Variants in MAP4K4 observed in about 807,000 individuals in gnomAD.
MAP4K4 encodes the protein mitogen-activated protein kinase kinase kinase kinase 4.
Under a neutral mutation model 189.6 loss-of-function variants are expected in MAP4K4, and 38 were observed. The ratio of observed to expected loss-of-function variants is 0.20; its 90% confidence interval spans 0.15 to 0.26. MAP4K4 has a LOEUF of 0.26. Among genes scored for constraint, MAP4K4 ranks in the 10% least tolerant of loss-of-function variants. The pLI, the probability that MAP4K4 is intolerant of heterozygous loss-of-function variation, is 1.00. For missense variants in MAP4K4, 1,054 were observed against 1,726.9 expected (o/e 0.61, Z 6.91); for synonymous variants, 610 against 624.3 (o/e 0.98, Z 0.34).
At chr2:101,844,150 A>C (rs1300434393) in exon 12 of MAP4K4, 2 of 1,612,824 alleles carry the variant, frequency 1.2e-6, no homozygotes, top group South Asian at 2.2e-5. Flanking sequence ...AGATTTCCTG[A>C]GACTGCAGCA....
intron 2 of MAP4K4, among the ~76,000 whole-genome samples, chr2:101,785,690 C>CTTTTCCTTTTTTGAG (rs1558913395): frequency 4.8e-4 from 1 of 2,080 alleles, no homozygotes; most frequent in African/African-American, 5.0e-3. Flanking sequence ...CTCTCTCTCT[C>CTTTTCCTTTTTTGAG]TCTCTCTCTC....
At chr2:101,877,060 A>G in exon 27 of MAP4K4, 1 of 1,614,022 alleles carries the variant, frequency 6.2e-7, no homozygotes, top group Non-Finnish European at 8.5e-7. Flanking sequence ...AGAAGTGGCC[A>G]AGGGAAGGTC....
rs549870410 is a variant in MAP4K4, at chr2:101,882,806, G to A, written c.3520+121G>A. The A allele has an allele frequency of 4.2e-5, 42 of 994,724 alleles. No homozygotes were observed. The East Asian group carries it at 9.8e-4, about 23-fold the overall frequency. The allele number at this position is 994,724 out of a possible 1,614,324, so 61.6% of individuals were successfully genotyped here. A position where few individuals can be genotyped will look rare whatever the true frequency, so the allele number is the denominator to read the frequency against. On this transcript the variant is annotated intron_variant, in intron 28 of 32. Transcript: ENST00000324219. ...TAATAAACTTGTTTCTGAAACACGTGGATCATTTCTGGTGTTCTTTCTGTT... is the reference window on the plus strand; with the variant it reads ...TAATAAACTTGTTTCTGAAACACGTAGATCATTTCTGGTGTTCTTTCTGTT...
At chr2:101,875,595 C>T (rs934872313) in intron 26 of MAP4K4, among the ~76,000 whole-genome samples, 2 of 151,312 alleles carry the variant, frequency 1.3e-5, no homozygotes, top group Non-Finnish European at 3.0e-5. Context: ...ATGTATGTGC[C>T]ATGATATTCT....
chr2:101,836,766 G>A (rs2096768634), intron 9 of MAP4K4, among the ~76,000 whole-genome samples: 1 of 152,196 alleles, frequency 6.6e-6, no homozygotes, highest in Non-Finnish European at 1.5e-5. Context: ...TTCTTAGGCT[G>A]TCACTTTTCC....
chr2:101,871,815 C>T (rs1298314559), intron 24 of MAP4K4, 130 bp downstream of exon 24: 19 of 794,064 alleles, frequency 2.4e-5, no homozygotes, highest in Non-Finnish European at 3.5e-5. Context: ...TGTCACCTAC[C>T]CTTCTCCCCA....
At chr2:101,777,173 G>A (rs757152474) in intron 2 of MAP4K4, among the ~76,000 whole-genome samples, 9 of 152,188 alleles carry the variant, frequency 5.9e-5, no homozygotes, top group Non-Finnish European at 1.3e-4. Context: ...AAATCTTGTA[G>A]CATTTTTAAG....
At chr2:101,741,300 T>G (rs1020118503) in intron 2 of MAP4K4, among the ~76,000 whole-genome samples, 4 of 151,776 alleles carry the variant, frequency 2.6e-5, no homozygotes, top group Non-Finnish European at 5.9e-5. Context: ...CCCGAGTAGC[T>G]GGGACTACAG....
intron 2 of MAP4K4, among the ~76,000 whole-genome samples, chr2:101,770,445 T>G (rs1390517386): frequency 2.0e-5 from 3 of 151,972 alleles, no homozygotes; most frequent in African/African-American, 7.3e-5. Flanking sequence ...CCCAGCTAAT[T>G]TTTTGTATGT....
chr2:101,881,308 A>T (rs1204027799), intron 27 of MAP4K4, among the ~76,000 whole-genome samples: 1 of 152,062 alleles, frequency 6.6e-6, no homozygotes, highest in African/African-American at 2.4e-5. Flanking sequence ...CAGGAAAGTG[A>T]CTCACTTTTA....
chr2:101,739,316 A>G (rs1407276673), intron 2 of MAP4K4, among the ~76,000 whole-genome samples: 1 of 152,214 alleles, frequency 6.6e-6, no homozygotes, highest in East Asian at 1.9e-4. Flanking sequence ...AAAAGTAAAA[A>G]CATTTATGAA....
At chr2:101,775,052 T>TTTTTTG (rs1486080951) in intron 2 of MAP4K4, among the ~76,000 whole-genome samples, 26 of 148,886 alleles carry the variant, frequency 1.7e-4, no homozygotes, top group Admixed American at 8.0e-4. Flanking sequence ...TTTTTTTTTT[T>TTTTTTG]TTAAAGGGGC....
rs974931381 is a variant in MAP4K4 at position 101,770,189 on chromosome 2, A to G, written c.124-20531A>G. Among the ~76,000 whole-genome samples, 14 of 152,036 alleles carry G rather than the reference A, an allele frequency of 9.2e-5. 1 individual carries two copies. In the East Asian group the frequency reaches 2.5e-3, roughly 27 times the overall value. On this transcript the variant is annotated intron_variant, in intron 2 of 32. Transcript: ENST00000324219. ...TTTCACCTTCAAAGATGAACATTTA[A>G]AAACAGTCTTAGGTCTGAATTTCAA...
intron 22 of MAP4K4, 81 bp from the exon 23 acceptor site, chr2:101,870,214 T>C: frequency 1.4e-6 from 2 of 1,458,236 alleles, no homozygotes; most frequent in Non-Finnish European, 1.9e-6. Flanking sequence ...ATGTTTTGAT[T>C]TTGAGAAGGC....
chr2:101,886,539 C>T (rs1474225237), intron 29 of MAP4K4, among the ~76,000 whole-genome samples: 1 of 152,174 alleles, frequency 6.6e-6, no homozygotes, highest in African/African-American at 2.4e-5. Context: ...CAGCCAAAAG[C>T]ACAGTAAATG....
chr2:101,794,525 T>C, intron 3 of MAP4K4, among the ~76,000 whole-genome samples: 1 of 152,320 alleles, frequency 6.6e-6, no homozygotes, highest in East Asian at 1.9e-4. Flanking sequence ...TATTCAACAT[T>C]TGTTAACATT....
chr2:101,871,481 G>GT lies in MAP4K4; in HGVS notation c.2761-7dup, dbSNP rs1178751101. On this transcript the variant is annotated splice_polypyrimidine_tract_variant and intron_variant, in intron 23 of 32. Transcript: ENST00000324219. The stretch of plus-strand genomic sequence containing the variant: ...GCGCTTGAGCGAGACAAGTGTGCCT[G>GT]TTTTTTCTACAGAGTACAGTTGACC... The GT allele has an allele frequency of 2.6e-6, 4 of 1,524,580 alleles. No individual in the cohort carries two copies. The South Asian group carries it at 3.6e-5, about 14-fold the overall frequency. 94.4% of individuals were successfully genotyped at this position (1,524,580 alleles called of 1,614,324 possible). A position where few individuals can be genotyped will look rare whatever the true frequency, so the allele number is the denominator to read the frequency against.
intron 2 of MAP4K4, among the ~76,000 whole-genome samples, chr2:101,785,620 A>G (rs1440472937): frequency 6.6e-6 from 1 of 151,988 alleles, no homozygotes; most frequent in African/African-American, 2.4e-5. Context: ...GCCTTTAGTG[A>G]TAGTAGAACA....
At chr2:101,755,903 CTT>C (rs951297069) in intron 2 of MAP4K4, among the ~76,000 whole-genome samples, 4 of 110,032 alleles carry the variant, frequency 3.6e-5, no homozygotes, top group African/African-American at 1.3e-4. Context: ...TGCGGGGAAA[CTT>C]TATTTATAGT....
Sources: gnomAD v4.1 joint callset for allele counts (sites outside exome capture counted in the v4.1 genomes callset) on GRCh38, gnomAD v4.1.1 for gene constraint, MANE v1.5 for transcripts, NCBI Gene and HGNC (gene_info 2026-07-23, HGNC 2026-07-21) for gene names.